The following PSMD6 variants were observed in gnomAD, a reference collection of about 807,000 sequenced individuals.
PSMD6 encodes 26S proteasome non-ATPase regulatory subunit 6.
In PSMD6, 7 loss-of-function variants were observed where a neutral mutation model predicts 44.9. That is an observed-to-expected ratio of 0.16 (90% confidence interval 0.09 to 0.29). The LOEUF (loss-of-function observed/expected upper bound fraction) is 0.29, where lower values mean the gene tolerates loss of function less well. Among genes scored for constraint, PSMD6 ranks in the 10% least tolerant of loss-of-function variants. The probability of loss-of-function intolerance (pLI) is 1.00; values close to 1 mark genes in which losing one functional copy is unlikely to be tolerated. For missense variants in PSMD6, 420 were observed against 482.6 expected, an observed-to-expected ratio of 0.87 and a Z score of 1.21; for synonymous variants, 184 against 172.7, an observed-to-expected ratio of 1.07 and a Z score of -0.51.
chr3:64,012,288 C>T (rs2075969957), intron 6 of PSMD6: 1 of 151,966 alleles, frequency 6.6e-6, no homozygotes, highest in Non-Finnish European at 1.5e-5. Flanking sequence ...CCATTGAAAA[C>T]ACCATCATCA....
chr3:64,018,542 C>A, intron 5 of PSMD6, 57 bp downstream of exon 5: 1 of 1,306,928 alleles, frequency 7.7e-7, no homozygotes, highest in South Asian at 1.3e-5. Context: ...GTTATTTGCA[C>A]ATAGGATCAG....
chr3:64,017,414 G>C (rs1293469011), intron 5 of PSMD6: 2 of 152,060 alleles, frequency 1.3e-5, no homozygotes, highest in Non-Finnish European at 2.9e-5. Context: ...TTTTGAAGGA[G>C]GGAGCATACA....
intron 5 of PSMD6, chr3:64,016,973 A>T (rs2076053965): frequency 6.6e-6 from 1 of 152,260 alleles, no homozygotes; most frequent in South Asian, 2.1e-4. Flanking sequence ...ATTTGGCTAT[A>T]AAACAAAATG....
intron 5 of PSMD6, chr3:64,016,675 A>G (rs559409710): frequency 3.5e-4 from 53 of 152,298 alleles, no homozygotes; most frequent in Non-Finnish European, 6.8e-4. Flanking sequence ...AATCAAAAAG[A>G]CAGAAAATAG....
chr3:64,010,635 C>G lies in PSMD6; in HGVS notation c.*33G>C. The G allele has an allele frequency of 6.7e-7, 1 of 1,489,924 alleles. No individual in the cohort carries two copies. The allele number at this position is 1,489,924 out of a possible 1,614,324, so 92.3% of individuals were successfully genotyped here. On this transcript the variant is annotated 3_prime_UTR_variant, in exon 8 of 8. Coordinates refer to ENST00000295901, the MANE Select transcript of PSMD6 (RefSeq NM_014814.3). ...AGCTATAAAAATTCCAAATAATTAT[C>G]TCTAAAGCAAATCCTTTGTTAGTTA...
chr3:64,022,115 T>C (rs1232654719), intron 2 of PSMD6, among the ~76,000 whole-genome samples: 2 of 152,244 alleles, frequency 1.3e-5, no homozygotes, highest in South Asian at 2.1e-4. Context: ...AATACAGCCC[T>C]AGCTGCTGTT....
At chr3:64,023,137 G>A (rs1576040824) in intron 1 of PSMD6, 138 bp downstream of exon 1, 2 of 1,423,600 alleles carry the variant, frequency 1.4e-6, no homozygotes, top group East Asian at 5.2e-5. Flanking sequence ...AAAACCCTAA[G>A]GGCCGGAGAA....
At chr3:64,011,172 T>TAGATAGAAAGTAGATCATC in intron 6 of PSMD6, 2 of 419,942 alleles carry the variant, frequency 4.8e-6, no homozygotes, top group Non-Finnish European at 8.4e-6. Flanking sequence ...CATATTCAGA[T>TAGATAGAAAGTAGATCATC]AGATAGAAAG....
intron 5 of PSMD6, chr3:64,016,930 A>C (rs571187711): frequency 1.3e-5 from 2 of 152,354 alleles, no homozygotes; most frequent in East Asian, 3.9e-4. Context: ...GAATGGATAA[A>C]TAAAATGTAG....
Position 64,019,018 on chromosome 3 carries a change from C to T in PSMD6, c.517G>A (p.Asp173Asn). 1.9e-6 allele frequency: 3 copies of T among 1,605,560 alleles called. No individual in the cohort carries two copies. Among genetic ancestry groups the T allele is most frequent in the Non-Finnish European group, 2.6e-6 (3 of 1,172,240 alleles). ...TTTAGGCGGTTTCTCCTGTCCCAGT[C>T]TCCTCCTTCTTCTATTAAGCTATGA... ...KAKSLIEEGG[D>N]WDRRNRLKVY... The change falls in exon 4 of 8, where the codon GAC becomes AAC. Residue 173 changes from aspartate to asparagine, a missense_variant. Transcript: ENST00000295901.
intron 6 of PSMD6, chr3:64,013,203 A>C: frequency 5.0e-6 from 2 of 401,610 alleles, no homozygotes; most frequent in Non-Finnish European, 4.4e-6. Context: ...ACCTTTAACA[A>C]ATCACTTAGC....
At chr3:64,020,827 C>T (rs1218156303) in intron 2 of PSMD6, among the ~76,000 whole-genome samples, 1 of 152,200 alleles carries the variant, frequency 6.6e-6, no homozygotes, top group Non-Finnish European at 1.5e-5. Flanking sequence ...AGAACCCAGA[C>T]AATCTGATTC....
At chr3:64,023,585 C>T (rs1486278806), upstream of PSMD6, 5 of 1,411,658 alleles carry the variant, frequency 3.5e-6, no homozygotes, top group African/African-American at 1.5e-5. Flanking sequence ...ACGCCTCACC[C>T]GGCCTGGGCG....
intron 2 of PSMD6, among the ~76,000 whole-genome samples, chr3:64,021,568 GGAGGCC>G (rs1196170363): frequency 2.0e-5 from 3 of 152,108 alleles, no homozygotes; most frequent in Non-Finnish European, 4.4e-5. Flanking sequence ...CAGCACTTTC[GGAGGCC>G]GAGACAGGTG....
rs561399274 is a variant in PSMD6, at chr3:64,019,771, A to G, written c.352-330T>C. 3.4e-4 allele frequency: 70 copies of G among 208,020 alleles called. No individual in the cohort carries two copies. The East Asian group carries it at 7.7e-3, about 23-fold the overall frequency. 12.9% of individuals were successfully genotyped at this position (208,020 alleles called of 1,614,324 possible). A position where few individuals can be genotyped will look rare whatever the true frequency, so the allele number is the denominator to read the frequency against. On this transcript the variant is annotated intron_variant, in intron 2 of 7. Coordinates refer to ENST00000295901, the MANE Select transcript of PSMD6 (RefSeq NM_014814.3). Reference sequence around the variant, plus strand: ...TTCAATGTTTTCTCTCATAATCACAATACACTACATCAAAATAACATCATC... The same window carrying G: ...TTCAATGTTTTCTCTCATAATCACAGTACACTACATCAAAATAACATCATC...
intron 6 of PSMD6, chr3:64,012,084 G>A (rs1288944421): frequency 6.6e-6 from 1 of 151,362 alleles, no homozygotes; most frequent in Admixed American, 6.6e-5. Flanking sequence ...TTTAAAAAAT[G>A]TGTTGGTGTC....
chr3:64,023,835 T>A, upstream of PSMD6: 1 of 1,467,316 alleles, frequency 6.8e-7, no homozygotes, highest in Non-Finnish European at 9.2e-7. Flanking sequence ...CTCTCATTCA[T>A]CTTATTAAAA....
At chr3:64,015,269 C>A (rs1238710635) in intron 5 of PSMD6, 1 of 152,160 alleles carries the variant, frequency 6.6e-6, no homozygotes, top group South Asian at 2.1e-4. Flanking sequence ...TGGAGGGCAA[C>A]AGTGGTCAAG....
chr3:64,015,139 C>A (rs923222747), intron 5 of PSMD6: 2 of 152,104 alleles, frequency 1.3e-5, no homozygotes, highest in East Asian at 3.9e-4. Context: ...CATAAAACAT[C>A]AATAAAATTA....
Sources: allele counts gnomAD v4.1 joint callset (sites outside exome capture counted in the v4.1 genomes callset), GRCh38; gene constraint gnomAD v4.1.1; transcripts MANE v1.5; gene names NCBI Gene and HGNC (gene_info 2026-07-23, HGNC 2026-07-21).